The following MDM2 variants were observed in gnomAD, a reference collection of about 807,000 sequenced individuals.
MDM2 encodes the protein MDM2 proto-oncogene, also known as E3 ubiquitin-protein ligase Mdm2.
Under a neutral mutation model 64.3 loss-of-function variants are expected in MDM2, and 11 were observed. That is an observed-to-expected ratio of 0.17 (90% confidence interval 0.11 to 0.28). The LOEUF (loss-of-function observed/expected upper bound fraction) is 0.28, where lower values mean the gene tolerates loss of function less well. Ranked by LOEUF, MDM2 falls within the 10% of genes least tolerant of loss-of-function variation. MDM2 has a pLI of 1.00. For missense variants in MDM2, 388 were observed against 577.1 expected (o/e 0.67, Z 3.36); for synonymous variants, 194 against 192.9 (o/e 1.01, Z -0.05).
At chr12:68,816,738 T>C (rs1881420173) in intron 3 of MDM2, 74 bp from the exon 4 acceptor site, 2 of 1,274,086 alleles carry the variant, frequency 1.6e-6, no homozygotes, top group South Asian at 3.0e-5. Context: ...TTCAGATAAA[T>C]AGGATATTAT....
chr12:68,833,160 A>G (rs1187266041), intron 8 of MDM2, among the ~76,000 whole-genome samples: 1 of 129,514 alleles, frequency 7.7e-6, no homozygotes, highest in African/African-American at 2.8e-5. Context: ...ATATATATAT[A>G]TATATATTTA....
Position 68,842,574 on chromosome 12 carries a change from CTT to C in MDM2, c.*2727_*2728del, listed in dbSNP as rs1441702813. 7 of 330,548 alleles carry C rather than the reference CTT, an allele frequency of 2.1e-5. No homozygotes were observed. Among genetic ancestry groups the C allele is most frequent in the African/African-American group, 1.3e-4 (6 of 47,160 alleles). The allele number at this position is 330,548 out of a possible 1,614,324, so 20.5% of individuals were successfully genotyped here. ...GTTTGATCGCATCTCATTGTTAACT[CTT>C]TACTGATATGTTTGTAAATACAGAA... On this transcript the variant is annotated 3_prime_UTR_variant, in exon 11 of 11. Coordinates refer to ENST00000258149, the MANE Select transcript of MDM2 (RefSeq NM_002392.6).
In MDM2 at chr12:68,808,272, G is replaced by A; in HGVS notation, c.-206G>A. On this transcript the variant is annotated 5_prime_UTR_variant, in exon 1 of 11. Coordinates refer to ENST00000258149, the MANE Select transcript of MDM2 (RefSeq NM_002392.6). ...ATGGAGCAAGAAGCCGAGCCCGAGG[G>A]GCGGCCGCGACCCCTCTGACCGAGA... The A allele has an allele frequency of 1.6e-6, 1 of 618,364 alleles. No homozygotes were observed. The highest frequency in any genetic ancestry group is 2.8e-6 in the Non-Finnish European group (1 of 354,158). 38.3% of individuals were successfully genotyped at this position (618,364 alleles called of 1,614,324 possible). A position where few individuals can be genotyped will look rare whatever the true frequency, so the allele number is the denominator to read the frequency against.
intron 2 of MDM2, among the ~76,000 whole-genome samples, chr12:68,811,700 G>A (rs1048388454): frequency 4.6e-5 from 7 of 151,074 alleles, no homozygotes; most frequent in African/African-American, 1.7e-4. Context: ...TGCTTCCTGG[G>A]TTCAAGCAAT....
Position 68,843,105 on chromosome 12 carries a change from TTA to T in MDM2, c.*3257_*3258del. ...ATTTGTTGTGTGGGTTTTTTTTTTT[TTA>T]AAGCCACACAATAATTTTGGAAAAC... On this transcript the variant is annotated 3_prime_UTR_variant, in exon 11 of 11. Coordinates refer to ENST00000258149, the MANE Select transcript of MDM2 (RefSeq NM_002392.6). The T allele has an allele frequency of 4.5e-6, 1 of 222,776 alleles. No individual in the cohort carries two copies. Among genetic ancestry groups the T allele is most frequent in the Non-Finnish European group, 9.0e-6 (1 of 111,600 alleles). 13.8% of individuals were successfully genotyped at this position (222,776 alleles called of 1,614,324 possible). A position where few individuals can be genotyped will look rare whatever the true frequency, so the allele number is the denominator to read the frequency against.
intron 8 of MDM2, among the ~76,000 whole-genome samples, chr12:68,833,461 A>G (rs1052071482): frequency 1.2e-4 from 18 of 146,682 alleles, no homozygotes; most frequent in African/African-American, 4.0e-4. Context: ...ATAGAGAGAG[A>G]TAATTTAATA....
intron 2 of MDM2, among the ~76,000 whole-genome samples, chr12:68,812,706 C>T (rs1034944958): frequency 1.1e-4 from 17 of 152,156 alleles, no homozygotes; most frequent in Non-Finnish European, 2.9e-5. Flanking sequence ...AGCACTGTCT[C>T]CCAAAGTGCT....
chr12:68,847,196 T>TTTTATATATATATA (rs1884365281), downstream of MDM2: 1 of 92,080 alleles, frequency 1.1e-5, no homozygotes, highest in African/African-American at 5.9e-5. Flanking sequence ...TGTGTGTACA[T>TTTTATATATATATA]TATATATATA....
chr12:68,844,935 T>C lies in MDM2; in HGVS notation c.*5086T>C. On this transcript the variant is annotated 3_prime_UTR_variant, in exon 11 of 11. Coordinates refer to ENST00000258149, the MANE Select transcript of MDM2 (RefSeq NM_002392.6). ...GCACCCTGTCACCACGCCCCGCTAA[T>C]TTTTGTATTTCTAGCAGAGATGAAG... 5.1e-6 allele frequency: 1 copy of C among 195,720 alleles called. No homozygotes were observed. The highest frequency in any genetic ancestry group is 1.1e-5 in the Non-Finnish European group (1 of 94,164). 12.1% of individuals were successfully genotyped at this position (195,720 alleles called of 1,614,324 possible).
intron 8 of MDM2, among the ~76,000 whole-genome samples, chr12:68,832,674 G>A (rs1471158609): frequency 2.1e-5 from 3 of 144,332 alleles, no homozygotes; most frequent in African/African-American, 7.5e-5. Context: ...CACCACACCT[G>A]GCTAATTTTT....
At chr12:68,833,986 A>C (rs1883109507) in intron 8 of MDM2, among the ~76,000 whole-genome samples, 1 of 152,174 alleles carries the variant, frequency 6.6e-6, no homozygotes, top group Non-Finnish European at 1.5e-5. Flanking sequence ...CAACTTGATG[A>C]ATGTTGCTTT....
intron 8 of MDM2, among the ~76,000 whole-genome samples, chr12:68,832,448 G>C (rs1485318781): frequency 2.0e-5 from 3 of 152,006 alleles, no homozygotes; most frequent in African/African-American, 7.3e-5. Context: ...AACAATTCTA[G>C]GTATTTTTGA....
Position 68,808,350 on chromosome 12 carries a change from G to C in MDM2, c.-128G>C. The C allele has an allele frequency of 7.9e-7, 1 of 1,267,406 alleles. No individual in the cohort carries two copies. The highest frequency in any genetic ancestry group is 1.1e-6 in the Non-Finnish European group (1 of 879,912). 78.5% of individuals were successfully genotyped at this position (1,267,406 alleles called of 1,614,324 possible). ...CGTCCCTCCCCGGATTAGTGCGTAC[G>C]AGCGCCCAGTGCCCTGGCCCGGAGA... On this transcript the variant is annotated 5_prime_UTR_variant, in exon 1 of 11. Transcript: ENST00000258149.
At position 68,842,524 on chromosome 12, in the gene MDM2, T is replaced by A; in HGVS notation, c.*2675T>A. On this transcript the variant is annotated 3_prime_UTR_variant, in exon 11 of 11. Transcript: ENST00000258149. ...GTGATTACAAAATCATCTACATTGCTGTCTACAAAACAGATAATATGGATG... is the reference window on the plus strand; with the variant it reads ...GTGATTACAAAATCATCTACATTGCAGTCTACAAAACAGATAATATGGATG... 4 of 373,906 alleles carry A rather than the reference T, an allele frequency of 1.1e-5. No homozygotes were observed. Among genetic ancestry groups the A allele is most frequent in the Non-Finnish European group, 2.1e-5 (4 of 193,680 alleles). The allele number at this position is 373,906 out of a possible 1,614,324, so 23.2% of individuals were successfully genotyped here. A position where few individuals can be genotyped will look rare whatever the true frequency, so the allele number is the denominator to read the frequency against.
intron 8 of MDM2, among the ~76,000 whole-genome samples, chr12:68,833,541 A>G (rs963541081): frequency 7.3e-5 from 11 of 150,302 alleles, no homozygotes; most frequent in African/African-American, 2.4e-4. Flanking sequence ...GCATTTTTTC[A>G]TGGTATTTTT....
chr12:68,817,620 A>G (rs1565735199), intron 4 of MDM2, among the ~76,000 whole-genome samples: 1 of 151,806 alleles, frequency 6.6e-6, no homozygotes, highest in Non-Finnish European at 1.5e-5. Context: ...GTGGTGGTGC[A>G]TGCCTGTAAT....
intron 7 of MDM2, among the ~76,000 whole-genome samples, chr12:68,825,988 A>G (rs1882284435): frequency 6.6e-6 from 1 of 152,224 alleles, no homozygotes; most frequent in African/African-American, 2.4e-5. Context: ...AGAATACAAC[A>G]TATTTGAAAG....
chr12:68,823,689 A>G (rs539285268), intron 5 of MDM2, among the ~76,000 whole-genome samples: 3 of 152,318 alleles, frequency 2.0e-5, no homozygotes, highest in African/African-American at 7.2e-5. Context: ...GCTTAAAATT[A>G]CCATTTAGGG....
chr12:68,816,468 G>A (rs750502876), intron 3 of MDM2, among the ~76,000 whole-genome samples: 82 of 139,246 alleles, frequency 5.9e-4, no homozygotes, highest in Non-Finnish European at 9.3e-4. Context: ...CACCTCCTGG[G>A]TTCAAGCAAT....
Sources: gnomAD v4.1 joint callset for allele counts (sites outside exome capture counted in the v4.1 genomes callset) on GRCh38, gnomAD v4.1.1 for gene constraint, MANE v1.5 for transcripts, NCBI Gene and HGNC (gene_info 2026-07-23, HGNC 2026-07-21) for gene names.